Variants in KLF17 observed in about 807,000 individuals in gnomAD.
KLF17 encodes the protein KLF transcription factor 17.
A neutral mutation model predicts 34.2 loss-of-function variants in KLF17; 31 were observed. The observed-to-expected ratio is 0.91, with a 90% CI of 0.68 to 1.22. The LOEUF is 1.22. Ranked by LOEUF, KLF17 falls within the 50% of genes most tolerant of loss-of-function variation. KLF17 has a pLI of 0.00. For missense variants in KLF17, 478 were observed against 505.2 expected (o/e 0.95, Z 0.52); for synonymous variants, 179 against 186.7 (o/e 0.96, Z 0.34).
chr1:44,049,779 G>A, the KLF17 span, among the ~76,000 whole-genome samples: 128 of 152,304 alleles, frequency 8.4e-4, 2 homozygotes, highest in African/African-American at 3.0e-3. Flanking sequence ...CGCCGTACCC[G>A]GCCTATGTAT....
the KLF17 span, among the ~76,000 whole-genome samples, chr1:44,074,149 C>G: frequency 1.3e-5 from 2 of 152,142 alleles, no homozygotes; most frequent in Non-Finnish European, 2.9e-5. Flanking sequence ...CCTTCCCCAT[C>G]TGTCCAAGCA....
At chr1:44,072,194 C>T in the KLF17 span, among the ~76,000 whole-genome samples, 1 of 151,250 alleles carries the variant, frequency 6.6e-6, no homozygotes, top group East Asian at 1.9e-4. Context: ...TTTGCCTGAG[C>T]AACTGGAAGG....
the KLF17 span, among the ~76,000 whole-genome samples, chr1:44,047,453 C>T: frequency 6.6e-6 from 1 of 152,114 alleles, no homozygotes; most frequent in Non-Finnish European, 1.5e-5. Flanking sequence ...CAGACAGGCT[C>T]CAGCCTGGTC....
chr1:44,051,612 G>A, the KLF17 span: 1 of 151,302 alleles, frequency 6.6e-6, no homozygotes, highest in Non-Finnish European at 1.5e-5. Flanking sequence ...ACACTTCCTT[G>A]TCCTTGTCAC....
chr1:44,129,448 G>T lies in KLF17; in HGVS notation c.177G>T (p.Gln59His). The change falls in exon 2 of 4, where the codon CAG becomes CAT. Residue 59 changes from glutamine (Q) to histidine (H), a missense_variant. Coordinates refer to ENST00000372299, the MANE Select transcript of KLF17 (RefSeq NM_173484.4). ...GGAACCAAGGCCTACCAAGCATTCA[G>T]CACTTTCCTCACAGCGCAGAGATGC... is the stretch of plus-strand genomic sequence containing the variant. ...TSWNQGLPSI[Q>H]HFPHSAEMLG... 6.2e-7 allele frequency: 1 copy of T among 1,603,570 alleles called. No individual in the cohort carries two copies. The highest frequency in any genetic ancestry group is 8.5e-7 in the Non-Finnish European group (1 of 1,174,254).
chr1:44,129,856 T>A lies in KLF17; in HGVS notation c.585T>A (p.Thr195=). The A allele has an allele frequency of 6.2e-7, 1 of 1,614,220 alleles. No homozygotes were observed. The highest frequency in any genetic ancestry group is 8.5e-7 in the Non-Finnish European group (1 of 1,180,038). Residue 195 remains threonine (T), a synonymous_variant, in exon 2 of 4, where the codon ACT becomes ACA. Coordinates refer to ENST00000372299, the MANE Select transcript of KLF17 (RefSeq NM_173484.4). Reference sequence around the variant, plus strand: ...CTGACGAAACATTGTTGGGCCCGACTGTGCCTTCCACTGAGGCCCAGGCAG... The same window carrying A: ...CTGACGAAACATTGTTGGGCCCGACAGTGCCTTCCACTGAGGCCCAGGCAG... ...VPSDETLLGP[T]VPSTEAQAVL...
At chr1:44,086,772 T>C in the KLF17 span, among the ~76,000 whole-genome samples, 1 of 152,188 alleles carries the variant, frequency 6.6e-6, no homozygotes, top group Non-Finnish European at 1.5e-5. Context: ...GTGAATTTGA[T>C]GGCTGTGGGA....
the KLF17 span, among the ~76,000 whole-genome samples, chr1:44,094,144 T>G: frequency 6.6e-6 from 1 of 152,200 alleles, no homozygotes; most frequent in African/African-American, 2.4e-5. Context: ...TGTCTTCTTT[T>G]GAGAAATGTG....
chr1:44,123,441 T>C (rs2087972689), intron 1 of KLF17, among the ~76,000 whole-genome samples: 1 of 152,236 alleles, frequency 6.6e-6, no homozygotes, highest in Admixed American at 6.5e-5. Flanking sequence ...ATAATCCTTT[T>C]TACTTCTGTA....
At chr1:44,103,925 GAT>G in the KLF17 span, 1 of 845,690 alleles carries the variant, frequency 1.2e-6, no homozygotes, top group South Asian at 1.3e-5. Context: ...TCTCATACTT[GAT>G]CTGGTACATG....
At chr1:44,127,329 C>T (rs1392811124) in intron 1 of KLF17, among the ~76,000 whole-genome samples, 1 of 152,160 alleles carries the variant, frequency 6.6e-6, no homozygotes. Context: ...GAAACTGTCA[C>T]TCAGGTCAAG....
At chr1:44,113,672 T>A in the KLF17 span, 1 of 152,256 alleles carries the variant, frequency 6.6e-6, no homozygotes, top group Non-Finnish European at 1.5e-5. Context: ...TGTGATTTGA[T>A]GGCTACTTGT....
chr1:44,109,542 C>T, the KLF17 span, among the ~76,000 whole-genome samples: 1 of 152,166 alleles, frequency 6.6e-6, no homozygotes, highest in Non-Finnish European at 1.5e-5. Flanking sequence ...GAATATAATA[C>T]AAACATATGT....
the KLF17 span, among the ~76,000 whole-genome samples, chr1:44,058,725 A>G: frequency 8.6e-6 from 1 of 116,686 alleles, no homozygotes; most frequent in Non-Finnish European, 1.6e-5. Context: ...AGTCTCGCTC[A>G]GTCACAGGCT....
chr1:44,066,373 G>A, the KLF17 span, among the ~76,000 whole-genome samples: 1 of 149,258 alleles, frequency 6.7e-6, no homozygotes, highest in Admixed American at 6.7e-5. Context: ...AAATTAAGGG[G>A]TATGATAATA....
chr1:44,129,635 C>T lies in KLF17; in HGVS notation c.364C>T (p.Gln122Ter). Residue 122 changes from glutamine (Q) to a stop codon, truncating the protein, a stop_gained, in exon 2 of 4, where the codon CAA becomes TAA. Coordinates refer to ENST00000372299, the MANE Select transcript of KLF17 (RefSeq NM_173484.4). LOFTEE classifies it high-confidence loss of function. ...IYCQRMSPPQ[Q>*]EMTIFSGPQL... Reference sequence around the variant, plus strand: ...CTGTCAGAGAATGTCTCCCCCTCAGCAAGAGATGACGATTTTCAGTGGGCC... The same window carrying T: ...CTGTCAGAGAATGTCTCCCCCTCAGTAAGAGATGACGATTTTCAGTGGGCC... 1 of 1,614,180 alleles carries T rather than the reference C, an allele frequency of 6.2e-7. No individual in the cohort carries two copies. The highest frequency in any genetic ancestry group is 8.5e-7 in the Non-Finnish European group (1 of 1,180,034).
In KLF17 at chr1:44,133,642, G is replaced by C. The variant is rs1571996656; in HGVS notation, c.*405G>C. ...AATGTGCCCAGTGCTGCCAAGAAGA[G>C]AAGCCGGTCCTCTGCAGGCTCAAGC... On this transcript the variant is annotated 3_prime_UTR_variant, in exon 4 of 4. Transcript: ENST00000372299. 6.6e-6 allele frequency: 1 copy of C among 152,348 alleles called. No homozygotes were observed. Among genetic ancestry groups the C allele is most frequent in the African/African-American group, 2.4e-5 (1 of 41,468 alleles). The allele number at this position is 152,348 out of a possible 1,614,324, so 9.4% of individuals were successfully genotyped here.
the KLF17 span, among the ~76,000 whole-genome samples, chr1:44,049,004 C>A: frequency 6.6e-6 from 1 of 152,210 alleles, no homozygotes. Context: ...CAAAATGCCA[C>A]AGACTGGGTG....
upstream of KLF17, chr1:44,118,801 A>T: frequency 2.5e-6 from 2 of 816,036 alleles, no homozygotes; most frequent in Non-Finnish European, 3.7e-6. Context: ...GTAAATAGGT[A>T]AATAGAAGGT....
Sources: allele counts gnomAD v4.1 joint callset (sites outside exome capture counted in the v4.1 genomes callset), GRCh38; gene constraint gnomAD v4.1.1; transcripts MANE v1.5; gene names NCBI Gene and HGNC (gene_info 2026-07-23, HGNC 2026-07-21).